The following GNAS variants were observed in gnomAD, a reference collection of about 807,000 sequenced individuals.
GNAS encodes the protein GNAS complex locus.
GNAS carries 8 observed loss-of-function variants against 54.5 expected under a neutral mutation model. That is an observed-to-expected ratio of 0.15 (90% CI 0.09 to 0.26). The LOEUF (loss-of-function observed/expected upper bound fraction) is 0.26, where lower values mean the gene tolerates loss of function less well. Ranked by LOEUF, GNAS falls within the 10% of genes least tolerant of loss-of-function variation. GNAS has a pLI of 1.00. For synonymous variants in GNAS, 204 were observed against 191.4 expected, an observed-to-expected ratio of 1.07 and a Z score of -0.54; for missense variants, 170 against 529.8, an observed-to-expected ratio of 0.32 and a Z score of 6.67.
chr20:58,849,366 T>G (rs1476485400), intron 1 of GNAS, among the ~76,000 whole-genome samples: 1 of 152,176 alleles, frequency 6.6e-6, no homozygotes, highest in African/African-American at 2.4e-5. Context: ...ACTGTCTCCC[T>G]TTTTCCTGTC....
At chr20:58,889,217 G>A (rs1292059674), upstream of GNAS, 15 of 1,090,038 alleles carry the variant, frequency 1.4e-5, no homozygotes, top group East Asian at 3.7e-4. Context: ...GCGTCAGGTG[G>A]CTGGCCGGCG....
upstream of GNAS, among the ~76,000 whole-genome samples, chr20:58,889,967 A>AGCTGCGGCGGCG (rs1189661687): frequency 5.3e-5 from 8 of 151,480 alleles, no homozygotes; most frequent in Non-Finnish European, 1.2e-4. Context: ...TGGCTGCCGA[A>AGCTGCGGCGGCG]GCTGCGGCGG....
At chr20:58,892,370 C>G (rs548749443) in intron 1 of GNAS, 1 of 121,510 alleles carries the variant, frequency 8.2e-6, no homozygotes, top group South Asian at 2.8e-4. Context: ...AAGAAAGGGG[C>G]GAGGAGAGGA....
Position 58,840,979 on chromosome 20 carries a change from G to T in GNAS, c.43+93G>T, listed in dbSNP as rs1307902400. ...TGAGAAGGAAAGGCAGGTCAGGGGCGAGTGGGAAGAGAGGAGGCTCAGCTG... is the reference window on the plus strand; with the variant it reads ...TGAGAAGGAAAGGCAGGTCAGGGGCTAGTGGGAAGAGAGGAGGCTCAGCTG... On this transcript the variant is annotated intron_variant, in intron 1 of 12. Coordinates refer to the GNAS transcript ENST00000306090. The surrounding 1 kb of genome is among the most constrained non-coding windows in gnomAD (Gnocchi z 6.0). The T allele has an allele frequency of 7.4e-7, 1 of 1,346,884 alleles. No individual in the cohort carries two copies. Among genetic ancestry groups the T allele is most frequent in the Non-Finnish European group, 1.0e-6 (1 of 963,722 alleles). The allele number at this position is 1,346,884 out of a possible 1,614,324, so 83.4% of individuals were successfully genotyped here.
intron 1 of GNAS, among the ~76,000 whole-genome samples, chr20:58,847,214 T>C (rs1451976505): frequency 6.6e-6 from 1 of 152,198 alleles, no homozygotes; most frequent in African/African-American, 2.4e-5. Flanking sequence ...TCTGAGCATA[T>C]CAAGTATTTT....
At chr20:58,880,480 T>A (rs751633385) in intron 1 of GNAS, among the ~76,000 whole-genome samples, 2 of 152,204 alleles carry the variant, frequency 1.3e-5, no homozygotes, top group East Asian at 3.8e-4. Flanking sequence ...TTAGATTTAT[T>A]AGTGGCCCCA....
At chr20:58,849,012 G>T (rs996833086) in intron 1 of GNAS, 5 of 397,526 alleles carry the variant, frequency 1.3e-5, no homozygotes, top group Middle Eastern at 6.4e-4. Flanking sequence ...TTAAATTAAG[G>T]CAATTCCTAT....
At chr20:58,858,845 C>T (rs1348346988) in intron 1 of GNAS, among the ~76,000 whole-genome samples, 1 of 152,042 alleles carries the variant, frequency 6.6e-6, no homozygotes, top group Non-Finnish European at 1.5e-5. Flanking sequence ...CTAAATGCCT[C>T]CACTGAGCTT....
At chr20:58,839,907 C>T (rs1313244843), upstream of GNAS, 16 of 607,866 alleles carry the variant, frequency 2.6e-5, no homozygotes, top group East Asian at 1.9e-4. Flanking sequence ...AAGCAAGGCG[C>T]GGAGCTTTAG....
intron 6 of GNAS, among the ~76,000 whole-genome samples, chr20:58,906,989 G>A (rs1191601051): frequency 6.6e-6 from 1 of 152,144 alleles, no homozygotes; most frequent in Non-Finnish European, 1.5e-5. Flanking sequence ...GCTGAAACTC[G>A]GAACTGATTT....
intron 6 of GNAS, among the ~76,000 whole-genome samples, chr20:58,907,534 G>C (rs377022501): frequency 2.0e-5 from 3 of 152,298 alleles, no homozygotes; most frequent in South Asian, 2.1e-4. Context: ...TTGAATGCTG[G>C]GGGGGCAGGG....
At chr20:58,886,487 C>T (rs2088598901), upstream of GNAS, among the ~76,000 whole-genome samples, 1 of 152,146 alleles carries the variant, frequency 6.6e-6, no homozygotes. Flanking sequence ...CTGAGCCAGA[C>T]GAGGGGCCCC....
At chr20:58,847,396 C>T (rs781668004) in intron 1 of GNAS, among the ~76,000 whole-genome samples, 3 of 152,180 alleles carry the variant, frequency 2.0e-5, no homozygotes, top group Admixed American at 1.3e-4. Flanking sequence ...CCGGCCAAGG[C>T]GGGCAGAGGA....
chr20:58,909,118 T>TGTGAGC lies in GNAS; in HGVS notation c.531-42_531-37dup. The TGTGAGC allele has an allele frequency of 6.5e-7, 1 of 1,546,158 alleles. No homozygotes were observed. On this transcript the variant is annotated intron_variant, in intron 6 of 12. Transcript: ENST00000371085. The surrounding 1 kb of genome is among the most constrained non-coding windows in gnomAD (Gnocchi z 7.3). ...GAGACACAAATAGTTGGCAAATTGATGTGAGCGCTGTGAACACCCCACGTG... is the reference window on the plus strand; with the variant it reads ...GAGACACAAATAGTTGGCAAATTGATGTGAGCGTGAGCGCTGTGAACACCCCACGTG...
chr20:58,841,942 G>A lies in GNAS; in HGVS notation c.43+1056G>A. 8.4e-7 allele frequency: 1 copy of A among 1,183,972 alleles called. No homozygotes were observed. Among genetic ancestry groups the A allele is most frequent in the Non-Finnish European group, 1.1e-6 (1 of 944,286 alleles). The allele number at this position is 1,183,972 out of a possible 1,614,324, so 73.3% of individuals were successfully genotyped here. A position where few individuals can be genotyped will look rare whatever the true frequency, so the allele number is the denominator to read the frequency against. On this transcript the variant is annotated intron_variant, in intron 1 of 12. Transcript: ENST00000306090. This position sits in a 1 kb window ranked among gnomAD's most constrained non-coding sequence, Gnocchi z 5.0. ...CTAACATCAGGATAACTTACAATTCGTTTCCAAAGAGCGCGGTACGCGCAG... is the reference window on the plus strand; with the variant it reads ...CTAACATCAGGATAACTTACAATTCATTTCCAAAGAGCGCGGTACGCGCAG...
At position 58,891,631 on chromosome 20, in the gene GNAS, C is replaced by G. The variant is rs2089341150; in HGVS notation, c.-96C>G. Reference sequence around the variant, plus strand: ...GGAGCCGAGCCCGCGCCCGGCCCGCCCGCCCGGCGCTGCCCCGGCCCTCCC... The same window carrying G: ...GGAGCCGAGCCCGCGCCCGGCCCGCGCGCCCGGCGCTGCCCCGGCCCTCCC... On this transcript the variant is annotated 5_prime_UTR_variant, in exon 1 of 13. Coordinates refer to ENST00000371085, the MANE Select transcript of GNAS (RefSeq NM_000516.7). 1.0e-6 allele frequency: 1 copy of G among 971,036 alleles called. No homozygotes were observed. The highest frequency in any genetic ancestry group is 1.2e-6 in the Non-Finnish European group (1 of 822,686). 60.2% of individuals were successfully genotyped at this position (971,036 alleles called of 1,614,324 possible).
At chr20:58,878,755 CT>C (rs1291888951) in intron 1 of GNAS, among the ~76,000 whole-genome samples, 1 of 152,146 alleles carries the variant, frequency 6.6e-6, no homozygotes, top group Non-Finnish European at 1.5e-5. Flanking sequence ...CATTTTCCCC[CT>C]ATTCCTTCTG....
upstream of GNAS, chr20:58,840,677 G>A (rs762734492): frequency 1.2e-6 from 2 of 1,604,990 alleles, no homozygotes; most frequent in East Asian, 4.5e-5. The surrounding 1 kb of genome is among the most constrained non-coding windows in gnomAD (Gnocchi z 6.0). Flanking sequence ...CCCCAGGGAA[G>A]GGGAGGAGCT....
At chr20:58,900,445 CCTTT>C (rs957335956) in intron 3 of GNAS, 17 of 197,748 alleles carry the variant, frequency 8.6e-5, no homozygotes, top group African/African-American at 1.4e-4. Flanking sequence ...TGTCTTCCTT[CCTTT>C]GTCTGTCTTT....
Sources: allele counts gnomAD v4.1 joint callset (sites outside exome capture counted in the v4.1 genomes callset), GRCh38; gene constraint gnomAD v4.1.1; non-coding constraint Gnocchi (gnomAD v3.1); transcripts MANE v1.5; gene names NCBI Gene and HGNC (gene_info 2026-07-23, HGNC 2026-07-21).